NSL1: variants seen among roughly 807,000 people sequenced by gnomAD.
NSL1 encodes the protein kinetochore-associated protein NSL1 homolog.
Under a neutral mutation model 25.4 loss-of-function variants are expected in NSL1, and 11 were observed. That is an observed-to-expected ratio of 0.43 (90% CI 0.27 to 0.72). NSL1 has a LOEUF of 0.72. Ranked by LOEUF, NSL1 falls within the 30% of genes least tolerant of loss-of-function variation. NSL1 has a pLI of 0.19. For synonymous variants in NSL1, 118 were observed against 120.6 expected (o/e 0.98, Z 0.14); for missense variants, 330 against 342.7 (o/e 0.96, Z 0.29).
At chr1:212,738,756 C>G (rs191654904) in intron 5 of NSL1, 70 bp from the exon 6 acceptor site, 40,393 of 1,300,240 alleles carry the variant, frequency 0.031, 785 homozygotes, top group South Asian at 0.044. Context: ...AAGATGGATG[C>G]AGTACTCTAA....
chr1:212,754,593 A>G (rs1267142016), intron 4 of NSL1, among the ~76,000 whole-genome samples: 1 of 151,892 alleles, frequency 6.6e-6, no homozygotes, highest in Non-Finnish European at 1.5e-5. Flanking sequence ...CCTGGCCAAC[A>G]TGGTGAAACC....
intron 4 of NSL1, 115 bp downstream of exon 4, chr1:212,782,257 G>A: frequency 1.3e-6 from 1 of 776,370 alleles, no homozygotes; most frequent in Non-Finnish European, 2.3e-6. Flanking sequence ...CTGGTAGGAA[G>A]TTAAAGCATC....
In NSL1 at chr1:212,735,896, G is replaced by A. The variant is rs556556609; in HGVS notation, c.*2512C>T. ...TAGCCTCCAGAACTGTGAGAAGTAAGTATCTGTTGTTTAAGCCACCCAGCC... is the reference window on the plus strand; with the variant it reads ...TAGCCTCCAGAACTGTGAGAAGTAAATATCTGTTGTTTAAGCCACCCAGCC... On this transcript the variant is annotated 3_prime_UTR_variant, in exon 6 of 6. Coordinates refer to ENST00000366977, the MANE Select transcript of NSL1 (RefSeq NM_015471.4). 1.1e-6 allele frequency: 1 copy of A among 939,660 alleles called. No homozygotes were observed. Among genetic ancestry groups the A allele is most frequent in the Non-Finnish European group, 1.3e-6 (1 of 788,194 alleles). The allele number at this position is 939,660 out of a possible 1,614,324, so 58.2% of individuals were successfully genotyped here.
At position 212,734,183 on chromosome 1, in the gene NSL1, G is replaced by A. The variant is rs1658141304; in HGVS notation, c.*4225C>T. On this transcript the variant is annotated 3_prime_UTR_variant, in exon 6 of 6. Coordinates refer to ENST00000366977, the MANE Select transcript of NSL1 (RefSeq NM_015471.4). ...AGTCATCATTCTGGGATTTTGCTTT[G>A]TATGTATCTGTTTTCTTTGAGGTCC... Among the ~76,000 whole-genome samples, 1 of 151,942 alleles carries A rather than the reference G, an allele frequency of 6.6e-6. No homozygotes were observed. Among genetic ancestry groups the A allele is most frequent in the African/African-American group, 2.4e-5 (1 of 41,382 alleles).
At chr1:212,772,098 G>A (rs188588656) in intron 4 of NSL1, among the ~76,000 whole-genome samples, 7 of 152,204 alleles carry the variant, frequency 4.6e-5, no homozygotes, top group South Asian at 2.1e-4. Context: ...AAGAAGTGCC[G>A]TTTGTCTTCT....
chr1:212,760,927 A>G lies in NSL1; in HGVS notation c.500-21326T>C, dbSNP rs1659535275. 6.6e-6 allele frequency among the ~76,000 whole-genome samples: 1 copy of G among 152,218 alleles called. No homozygotes were observed. Among genetic ancestry groups the G allele is most frequent in the South Asian group, 2.1e-4 (1 of 4,828 alleles). On this transcript the variant is annotated intron_variant, in intron 4 of 5. Coordinates refer to ENST00000366977, the MANE Select transcript of NSL1 (RefSeq NM_015471.4). The surrounding 1 kb of genome is among the most constrained non-coding windows in gnomAD (Gnocchi z 4.3). ...GAGTCCCCATCCCAAGTAAAGACCTATCATACCCTCTAGTACCAACCATAG... is the reference window on the plus strand; with the variant it reads ...GAGTCCCCATCCCAAGTAAAGACCTGTCATACCCTCTAGTACCAACCATAG...
In NSL1 at chr1:212,738,655, C is replaced by G; in HGVS notation, c.599G>C (p.Gly200Ala). 1 of 1,614,026 alleles carries G rather than the reference C, an allele frequency of 6.2e-7. No individual in the cohort carries two copies. Among genetic ancestry groups the G allele is most frequent in the Admixed American group, 1.7e-5 (1 of 59,980 alleles). Reference protein sequence around the residue: ...SLPALIEQGEGFSQVLRMQPV... With the variant: ...SLPALIEQGEAFSQVLRMQPV... ...CTGCATCCTGAGAACTTGGGAAAAT[C>G]CCTCTCCTTGTTCAATTAATGCAGG... Residue 200 changes from glycine (G) to alanine (A), a missense_variant, in exon 6 of 6, where the codon GGA becomes GCA. Physicochemically the swap from Gly to Ala is moderately conservative, Grantham distance 60. Coordinates refer to ENST00000366977, the MANE Select transcript of NSL1 (RefSeq NM_015471.4).
intron 4 of NSL1, among the ~76,000 whole-genome samples, chr1:212,752,406 G>T (rs1221731504): frequency 2.6e-5 from 4 of 152,158 alleles, no homozygotes; most frequent in African/African-American, 7.2e-5. Flanking sequence ...GAAAGAAGCG[G>T]AACTGCCTCT....
intron 3 of NSL1, 182 bp downstream of exon 3, chr1:212,784,181 A>G: frequency 2.6e-6 from 1 of 379,400 alleles, no homozygotes; most frequent in Admixed American, 4.2e-5. Flanking sequence ...ACAGTATAGT[A>G]TGACTATACT....
At chr1:212,756,496 T>C (rs775240835) in intron 4 of NSL1, among the ~76,000 whole-genome samples, 8 of 152,166 alleles carry the variant, frequency 5.3e-5, no homozygotes, top group Non-Finnish European at 1.0e-4. Context: ...ATATAAATAT[T>C]TATTGAGTGT....
In NSL1 at chr1:212,726,905, T is replaced by C. The variant is rs942153445; in HGVS notation, c.*11503A>G. 3 of 405,702 alleles carry C rather than the reference T, an allele frequency of 7.4e-6. No homozygotes were observed. Among genetic ancestry groups the C allele is most frequent in the Non-Finnish European group, 1.3e-5 (3 of 230,440 alleles). The allele number at this position is 405,702 out of a possible 1,614,324, so 25.1% of individuals were successfully genotyped here. A position where few individuals can be genotyped will look rare whatever the true frequency, so the allele number is the denominator to read the frequency against. ...GGCTGGATGGTGTCCCTCCCTCTGA[T>C]GGACACCAGCACAGCACGGACTTTC... On this transcript the variant is annotated 3_prime_UTR_variant, in exon 6 of 6. Transcript: ENST00000366977.
chr1:212,769,512 G>A (rs1290887443), intron 4 of NSL1, among the ~76,000 whole-genome samples: 1 of 152,122 alleles, frequency 6.6e-6, no homozygotes, highest in Non-Finnish European at 1.5e-5. Flanking sequence ...ATTATTCCCA[G>A]AAAAGCTATC....
At chr1:212,778,409 CTCTCTCT>C (rs1409658560) in intron 4 of NSL1, among the ~76,000 whole-genome samples, 1 of 151,660 alleles carries the variant, frequency 6.6e-6, no homozygotes, top group Non-Finnish European at 1.5e-5. Context: ...CTCCTCTCTC[CTCTCTCT>C]CCCCTCTCCC....
intron 2 of NSL1, among the ~76,000 whole-genome samples, chr1:212,785,960 G>A (rs971778143): frequency 6.6e-6 from 1 of 152,154 alleles, no homozygotes; most frequent in Non-Finnish European, 1.5e-5. Flanking sequence ...TTTCATTCAT[G>A]TCACAAATAT....
At chr1:212,784,607 A>C in intron 2 of NSL1, 114 bp from the exon 3 acceptor site, 15 of 574,148 alleles carry the variant, frequency 2.6e-5, no homozygotes, top group Non-Finnish European at 4.2e-5. Flanking sequence ...ATGAAGGAAA[A>C]CAAATATGGC....
At chr1:212,764,773 G>A (rs1327243996) in intron 4 of NSL1, among the ~76,000 whole-genome samples, 1 of 147,600 alleles carries the variant, frequency 6.8e-6, no homozygotes, top group African/African-American at 2.5e-5. Context: ...TTGAACTTGG[G>A]AGGCAGAGGT....
At chr1:212,754,789 A>T (rs191571076) in intron 4 of NSL1, among the ~76,000 whole-genome samples, 4 of 148,714 alleles carry the variant, frequency 2.7e-5, no homozygotes, top group Admixed American at 2.7e-4. Context: ...AAAAAAACCA[A>T]CTCAAAAGAC....
Position 212,727,186 on chromosome 1 carries a change from T to C in NSL1, c.*11222A>G. 1.3e-6 allele frequency: 2 copies of C among 1,551,862 alleles called. No homozygotes were observed. Among genetic ancestry groups the C allele is most frequent in the Non-Finnish European group, 1.7e-6 (2 of 1,148,962 alleles). On this transcript the variant is annotated 3_prime_UTR_variant, in exon 6 of 6. Transcript: ENST00000366977. ...AGTCCACCAGGCTTGGCTCCTAATG[T>C]GTTAAATGGGGGTGAATGGAATTTA...
intron 1 of NSL1, among the ~76,000 whole-genome samples, chr1:212,788,374 G>C (rs1228550395): frequency 1.3e-5 from 2 of 152,224 alleles, no homozygotes; most frequent in Non-Finnish European, 2.9e-5. Flanking sequence ...GATTGCCACT[G>C]TACTCCAGCC....
Sources: allele counts gnomAD v4.1 joint callset (sites outside exome capture counted in the v4.1 genomes callset), GRCh38; gene constraint gnomAD v4.1.1; non-coding constraint Gnocchi (gnomAD v3.1); transcripts MANE v1.5; gene names NCBI Gene and HGNC (gene_info 2026-07-23, HGNC 2026-07-21).